ATP9A: variants seen among roughly 807,000 people sequenced by gnomAD.
The protein encoded by ATP9A is ATPase phospholipid transporting 9A.
In ATP9A, 52 loss-of-function variants were observed where a neutral mutation model predicts 144.1. The observed-to-expected ratio is 0.36, with a 90% confidence interval of 0.29 to 0.45. The LOEUF (loss-of-function observed/expected upper bound fraction) is 0.45, where lower values mean the gene tolerates loss of function less well. Among genes scored for constraint, ATP9A ranks in the 20% least tolerant of loss-of-function variants. The pLI is 1.00. For synonymous variants in ATP9A, 582 were observed against 557.4 expected (o/e 1.04, Z -0.62); for missense variants, 947 against 1,392.7 (o/e 0.68, Z 5.09).
At chr20:51,639,050 T>C (rs1183585646) in intron 15 of ATP9A, among the ~76,000 whole-genome samples, 3 of 114,244 alleles carry the variant, frequency 2.6e-5, no homozygotes, top group East Asian at 5.6e-4. Flanking sequence ...AATAAAAAAA[T>C]ACATGTTCAA....
rs573836400 is a variant in ATP9A, at chr20:51,696,183, G to A, written c.496-39C>T. The stretch of plus-strand genomic sequence containing the variant: ...AGAAAGACTGTTACTGTGAATGAAT[G>A]ACCGTGTGCTGTGCGGTGGGGAGGG... On this transcript the variant is annotated intron_variant, in intron 5 of 27. Coordinates refer to ENST00000338821, the MANE Select transcript of ATP9A (RefSeq NM_006045.3). 5 of 1,604,292 alleles carry A rather than the reference G, an allele frequency of 3.1e-6. No homozygotes were observed. In the East Asian group the frequency reaches 1.1e-4, roughly 36 times the overall value.
intron 9 of ATP9A, among the ~76,000 whole-genome samples, chr20:51,686,923 ACT>A (rs1241291702): frequency 8.7e-6 from 1 of 114,512 alleles, no homozygotes; most frequent in Non-Finnish European, 1.8e-5. Context: ...CCACAGAGGG[ACT>A]CTTTTTTTTT....
At chr20:51,764,719 A>G (rs1046197840) in intron 1 of ATP9A, among the ~76,000 whole-genome samples, 3 of 151,964 alleles carry the variant, frequency 2.0e-5, no homozygotes, top group Admixed American at 2.0e-4. Context: ...CTGTCAATAA[A>G]ATGGGAGAAT....
chr20:51,710,829 G>GA (rs2077635206), intron 4 of ATP9A, among the ~76,000 whole-genome samples: 6 of 152,094 alleles, frequency 3.9e-5, no homozygotes, highest in Admixed American at 3.9e-4. Context: ...GTGGAGGGCA[G>GA]AAAAATCATT....
intron 9 of ATP9A, among the ~76,000 whole-genome samples, chr20:51,688,146 T>C (rs1193060900): frequency 4.6e-5 from 7 of 152,216 alleles, no homozygotes; most frequent in Non-Finnish European, 8.8e-5. Flanking sequence ...TCTACCCTCA[T>C]GGTGCCGTTA....
At chr20:51,702,197 G>T (rs577922117) in intron 4 of ATP9A, among the ~76,000 whole-genome samples, 11 of 151,688 alleles carry the variant, frequency 7.3e-5, no homozygotes, top group Admixed American at 5.3e-4. Flanking sequence ...TACTTAGGAG[G>T]CTGAGGCAGG....
intron 9 of ATP9A, among the ~76,000 whole-genome samples, chr20:51,685,151 A>G (rs989955822): frequency 1.6e-4 from 24 of 152,366 alleles, no homozygotes; most frequent in Non-Finnish European, 3.2e-4. Context: ...AAAATTAGAA[A>G]GCCAAACACA....
chr20:51,713,156 AG>A lies in ATP9A; in HGVS notation c.328-83del, dbSNP rs1340215571. On this transcript the variant is annotated intron_variant, in intron 3 of 27. Transcript: ENST00000338821. The stretch of plus-strand genomic sequence containing the variant: ...ACCGTCCCCTCCTGGTGCCAGGGGC[AG>A]GAAAGGCGAGAGGTCACTTGGGAGG... 3.1e-6 allele frequency: 4 copies of A among 1,300,610 alleles called. No homozygotes were observed. The African/African-American group carries it at 5.9e-5, about 19-fold the overall frequency. 80.6% of individuals were successfully genotyped at this position (1,300,610 alleles called of 1,614,324 possible).
intron 4 of ATP9A, among the ~76,000 whole-genome samples, chr20:51,705,204 A>C (rs1199405205): frequency 2.0e-5 from 3 of 152,160 alleles, no homozygotes; most frequent in African/African-American, 7.2e-5. Flanking sequence ...ATTAACCACA[A>C]TGACATACAA....
intron 1 of ATP9A, among the ~76,000 whole-genome samples, chr20:51,754,913 C>T (rs2077849256): frequency 6.6e-6 from 1 of 151,380 alleles, no homozygotes; most frequent in Non-Finnish European, 1.5e-5. Context: ...AGTTTGAGAC[C>T]AGCCTGTCCA....
chr20:51,621,998 G>A (rs2122724583), intron 19 of ATP9A, 76 bp downstream of exon 19: 1 of 1,280,294 alleles, frequency 7.8e-7, no homozygotes, highest in Non-Finnish European at 1.1e-6. Flanking sequence ...TTCTTAAGGG[G>A]CCCACTCAAG....
chr20:51,620,739 TACTCGATGG>T (rs753706155), intron 19 of ATP9A, among the ~76,000 whole-genome samples: 31 of 152,154 alleles, frequency 2.0e-4, no homozygotes, highest in Non-Finnish European at 2.1e-4. Context: ...AAAAACCGGA[TACTCGATGG>T]ACTGCAAAAA....
chr20:51,706,510 C>G (rs1358278908), intron 4 of ATP9A, among the ~76,000 whole-genome samples: 2 of 152,212 alleles, frequency 1.3e-5, no homozygotes, highest in Non-Finnish European at 2.9e-5. Context: ...CCTGTAATCC[C>G]AACACTTTGG....
At position 51,674,311 on chromosome 20, in the gene ATP9A, G is replaced by A. The variant is rs117698151; in HGVS notation, c.879C>T (p.Ile293=). The A allele has an allele frequency of 5.7e-4, 925 of 1,612,836 alleles. 8 individuals are homozygous for A. The East Asian group carries it at 0.013, about 22-fold the overall frequency. Residue 293 remains isoleucine (I), a splice_region_variant and synonymous_variant, in exon 11 of 28, where the codon ATC becomes ATT. Coordinates refer to ENST00000338821, the MANE Select transcript of ATP9A (RefSeq NM_006045.3). ...AGTTCACTTCCAAGTCGAACAGGCC[G>A]ATCTGTGGGACGAAGCACAAACCAG... is the stretch of plus-strand genomic sequence containing the variant. The part of the protein sequence containing the change: ...VMNTSNPRSK[I]GLFDLEVNCL...
intron 4 of ATP9A, among the ~76,000 whole-genome samples, chr20:51,705,077 C>A (rs1279913237): frequency 6.6e-6 from 1 of 152,156 alleles, no homozygotes; most frequent in African/African-American, 2.4e-5. Context: ...CTGGACAGAG[C>A]TTATACTTTG....
chr20:51,662,283 C>T (rs2077413968), intron 13 of ATP9A, among the ~76,000 whole-genome samples: 1 of 152,196 alleles, frequency 6.6e-6, no homozygotes, highest in South Asian at 2.1e-4. Context: ...TGTGGTGGCT[C>T]ACGCCTGTAA....
At chr20:51,642,290 G>C (rs2077322918) in intron 14 of ATP9A, among the ~76,000 whole-genome samples, 2 of 152,044 alleles carry the variant, frequency 1.3e-5, no homozygotes, top group African/African-American at 4.8e-5. Flanking sequence ...AAGTAGCTGG[G>C]ATTACAGGCA....
chr20:51,611,469 G>A lies in ATP9A; in HGVS notation c.2572-1304C>T, dbSNP rs944207501. 5.3e-5 allele frequency among the ~76,000 whole-genome samples: 8 copies of A among 152,154 alleles called. No homozygotes were observed. Among genetic ancestry groups the A allele is most frequent in the Admixed American group, 3.3e-4 (5 of 15,276 alleles). The stretch of plus-strand genomic sequence containing the variant: ...ATCCTAACCACAAAGTCTTCATCTC[G>A]ACAAGAGCACTTTGGGAAAAATAAA... On this transcript the variant is annotated intron_variant, in intron 23 of 27. Coordinates refer to ENST00000338821, the MANE Select transcript of ATP9A (RefSeq NM_006045.3). This position sits in a 1 kb window ranked among gnomAD's most constrained non-coding sequence, Gnocchi z 4.2.
Position 51,643,923 on chromosome 20 carries a change from G to A in ATP9A, c.1507-4419C>T, listed in dbSNP as rs192667549. ...GGCCGAGGCAGGAGGATCACCTGAG[G>A]TCAGGAGTTCAAGACCAGTCAGGTC... On this transcript the variant is annotated intron_variant, in intron 14 of 27. Coordinates refer to ENST00000338821, the MANE Select transcript of ATP9A (RefSeq NM_006045.3). Among the ~76,000 whole-genome samples the A allele has an allele frequency of 2.8e-3, 424 of 152,188 alleles. 1 individual carries two copies. The highest frequency in any genetic ancestry group is 0.01 in the Middle Eastern group (3 of 294).
Sources: gnomAD v4.1 joint callset for allele counts (sites outside exome capture counted in the v4.1 genomes callset) on GRCh38, gnomAD v4.1.1 for gene constraint, Gnocchi (gnomAD v3.1) non-coding constraint, MANE v1.5 for transcripts, NCBI Gene and HGNC (gene_info 2026-07-23, HGNC 2026-07-21) for gene names.